The following BCL2L1 variants were observed in gnomAD, a reference collection of about 807,000 sequenced individuals.
The protein encoded by BCL2L1 is bcl-2-like protein 1.
A neutral mutation model predicts 18.7 loss-of-function variants in BCL2L1; 1 was observed. The ratio of observed to expected loss-of-function variants is 0.05; its 90% CI spans 0.02 to 0.25. The LOEUF is 0.25. Among genes scored for constraint, BCL2L1 ranks in the 10% least tolerant of loss-of-function variants. The probability of loss-of-function intolerance (pLI) is 1.00; values close to 1 mark genes in which losing one functional copy is unlikely to be tolerated. For missense variants in BCL2L1, 207 were observed against 304.9 expected (o/e 0.68, Z 2.39); for synonymous variants, 103 against 122.7 (o/e 0.84, Z 1.06).
chr20:31,715,133 G>A (rs1272935084), intron 2 of BCL2L1, among the ~76,000 whole-genome samples: 1 of 152,082 alleles, frequency 6.6e-6, no homozygotes, highest in East Asian at 1.9e-4. Flanking sequence ...TTAGCCGGGT[G>A]TGGTGGCGGG....
chr20:31,670,586 T>G (rs2060652069), intron 2 of BCL2L1, among the ~76,000 whole-genome samples: 1 of 152,210 alleles, frequency 6.6e-6, no homozygotes, highest in Non-Finnish European at 1.5e-5. Flanking sequence ...AACATTCTCA[T>G]TTCAGTGCCA....
chr20:31,679,901 G>A (rs1435596457), intron 2 of BCL2L1, among the ~76,000 whole-genome samples: 5 of 152,202 alleles, frequency 3.3e-5, no homozygotes, highest in Middle Eastern at 6.8e-3. Context: ...GGCTGGTCTC[G>A]TACTCCTGGC....
In BCL2L1 at chr20:31,667,039, C is replaced by T. The variant is rs113434845; in HGVS notation, c.565-953G>A. Reference sequence around the variant, plus strand: ...AACAATTCTGCAATGCAGGCTGTCTCTCCCCATTTACAGGCCAAGAAGCTG... The same window carrying T: ...AACAATTCTGCAATGCAGGCTGTCTTTCCCCATTTACAGGCCAAGAAGCTG... On this transcript the variant is annotated intron_variant, in intron 2 of 2. Transcript: ENST00000307677. Among the ~76,000 whole-genome samples, 9 of 152,334 alleles carry T rather than the reference C, an allele frequency of 5.9e-5. No individual in the cohort carries two copies. The East Asian group carries it at 1.5e-3, about 26-fold the overall frequency.
intron 2 of BCL2L1, among the ~76,000 whole-genome samples, chr20:31,688,328 C>T (rs1213364224): frequency 6.6e-6 from 1 of 151,562 alleles, no homozygotes; most frequent in Non-Finnish European, 1.5e-5. Flanking sequence ...CCTGTAGTCC[C>T]AGCTACTTGG....
At chr20:31,671,948 C>A (rs2060677091) in intron 2 of BCL2L1, among the ~76,000 whole-genome samples, 1 of 143,642 alleles carries the variant, frequency 7.0e-6, no homozygotes, top group Non-Finnish European at 1.5e-5. Context: ...TTATACATAT[C>A]TATATCTATA....
chr20:31,682,269 T>C (rs2060877676), intron 2 of BCL2L1, among the ~76,000 whole-genome samples: 1 of 152,210 alleles, frequency 6.6e-6, no homozygotes, highest in African/African-American at 2.4e-5. Context: ...TGTCACTTTA[T>C]CTGCTTATTC....
At chr20:31,718,371 C>T (rs928847323) in intron 2 of BCL2L1, among the ~76,000 whole-genome samples, 2 of 152,140 alleles carry the variant, frequency 1.3e-5, no homozygotes, top group Non-Finnish European at 2.9e-5. Context: ...AAAAATTGGC[C>T]GGGGCCAGGC....
rs758866048 is a variant in BCL2L1 at position 31,669,826 on chromosome 20, TGAG to T, written c.565-3743_565-3741del. 2.6e-5 allele frequency among the ~76,000 whole-genome samples: 4 copies of T among 152,252 alleles called. No individual in the cohort carries two copies. The East Asian group carries it at 7.7e-4, about 29-fold the overall frequency. Reference sequence around the variant, plus strand: ...AACAGTGTCTTGCTCTGTAAATACATGAGAATACATGAGTTAACAAATGTATTG... The same window carrying T: ...AACAGTGTCTTGCTCTGTAAATACATAATACATGAGTTAACAAATGTATTG... On this transcript the variant is annotated intron_variant, in intron 2 of 2. Transcript: ENST00000307677.
chr20:31,690,719 C>A (rs148858426), intron 2 of BCL2L1, among the ~76,000 whole-genome samples: 24 of 152,046 alleles, frequency 1.6e-4, no homozygotes, highest in Admixed American at 3.3e-4. Flanking sequence ...TACAGGCGTG[C>A]GCCATGATGC....
At chr20:31,704,141 T>C (rs1356564382) in intron 2 of BCL2L1, among the ~76,000 whole-genome samples, 2 of 139,314 alleles carry the variant, frequency 1.4e-5, no homozygotes, top group Non-Finnish European at 3.0e-5. Context: ...TCTCTCCCTG[T>C]CACCTAGGCT....
At chr20:31,707,027 T>C (rs2061377622) in intron 2 of BCL2L1, among the ~76,000 whole-genome samples, 2 of 152,172 alleles carry the variant, frequency 1.3e-5, no homozygotes, top group African/African-American at 2.4e-5. Context: ...ACCTACTGTG[T>C]GCCAGGCATG....
intron 2 of BCL2L1, among the ~76,000 whole-genome samples, chr20:31,676,542 CT>C (rs1468857047): frequency 6.6e-6 from 1 of 152,174 alleles, no homozygotes; most frequent in East Asian, 1.9e-4. Flanking sequence ...ACCCTGGTGA[CT>C]CCCTATTCTT....
chr20:31,665,833 G>T lies in BCL2L1; in HGVS notation c.*116C>A. 1.5e-6 allele frequency: 2 copies of T among 1,375,718 alleles called. No individual in the cohort carries two copies. 85.2% of individuals were successfully genotyped at this position (1,375,718 alleles called of 1,614,324 possible). A position where few individuals can be genotyped will look rare whatever the true frequency, so the allele number is the denominator to read the frequency against. On this transcript the variant is annotated 3_prime_UTR_variant, in exon 3 of 3. Coordinates refer to ENST00000307677, the MANE Select transcript of BCL2L1 (RefSeq NM_138578.3). ...CCAGATCTGGGCCCAACCCTGTGAT[G>T]GGCAGGTGGGCATGGGCTGCATGTA...
At chr20:31,696,918 T>C (rs1463407816) in intron 2 of BCL2L1, among the ~76,000 whole-genome samples, 1 of 151,816 alleles carries the variant, frequency 6.6e-6, no homozygotes, top group Non-Finnish European at 1.5e-5. Flanking sequence ...TAGCTGGGCA[T>C]GGTGGTGGGT....
At chr20:31,681,897 G>A (rs953565556) in intron 2 of BCL2L1, among the ~76,000 whole-genome samples, 10 of 152,238 alleles carry the variant, frequency 6.6e-5, no homozygotes, top group African/African-American at 1.4e-4. Context: ...ATGGCAATAA[G>A]ATGAGGAAGG....
chr20:31,694,052 G>C (rs1000004123), intron 2 of BCL2L1, among the ~76,000 whole-genome samples: 2 of 152,080 alleles, frequency 1.3e-5, no homozygotes, highest in African/African-American at 4.8e-5. Context: ...CTGTTTCTCT[G>C]CCTGTGGGTG....
At chr20:31,668,251 C>T (rs546934760) in intron 2 of BCL2L1, among the ~76,000 whole-genome samples, 21 of 152,166 alleles carry the variant, frequency 1.4e-4, no homozygotes, top group Admixed American at 3.9e-4. Context: ...TCCCTGACTG[C>T]CTTGTCTAAA....
chr20:31,685,361 C>T (rs1450427556), intron 2 of BCL2L1, among the ~76,000 whole-genome samples: 2 of 150,266 alleles, frequency 1.3e-5, no homozygotes, highest in African/African-American at 4.9e-5. Flanking sequence ...GATCGTGCCA[C>T]TGCACTCCAG....
At chr20:31,711,892 G>C (rs1221253905) in intron 2 of BCL2L1, among the ~76,000 whole-genome samples, 4 of 152,200 alleles carry the variant, frequency 2.6e-5, no homozygotes, top group South Asian at 4.1e-4. Context: ...AGACTACTAA[G>C]ACAGTAGAGT....
Sources: gnomAD v4.1 joint callset for allele counts (sites outside exome capture counted in the v4.1 genomes callset) on GRCh38, gnomAD v4.1.1 for gene constraint, MANE v1.5 for transcripts, NCBI Gene and HGNC (gene_info 2026-07-23, HGNC 2026-07-21) for gene names.